The following DNTTIP1 variants were observed in gnomAD, a reference collection of about 807,000 sequenced individuals.
The protein encoded by DNTTIP1 is deoxynucleotidyltransferase terminal interacting protein 1, also known as deoxynucleotidyltransferase terminal-interacting protein 1.
In DNTTIP1, 22 loss-of-function variants were observed where a neutral mutation model predicts 52.9. The ratio of observed to expected loss-of-function variants is 0.42; its 90% confidence interval spans 0.30 to 0.59. DNTTIP1 has a LOEUF of 0.59. DNTTIP1 is among the 20% of genes least tolerant of loss of function. DNTTIP1 has a pLI of 0.22. For synonymous variants in DNTTIP1, 136 were observed against 155.1 expected, an observed-to-expected ratio of 0.88 and a Z score of 0.92; for missense variants, 286 against 435.5, an observed-to-expected ratio of 0.66 and a Z score of 3.06.
At chr20:45,793,756 T>G (rs1043356358) in intron 2 of DNTTIP1, among the ~76,000 whole-genome samples, 165 bp from the exon 3 acceptor site, 2 of 152,048 alleles carry the variant, frequency 1.3e-5, no homozygotes, top group African/African-American at 4.8e-5. Context: ...GAGAAAGAAA[T>G]AAAGTCATGC....
intron 11 of DNTTIP1, 108 bp from the exon 12 acceptor site, chr20:45,810,777 G>A (rs760887069): frequency 1.7e-5 from 17 of 1,007,670 alleles, no homozygotes; most frequent in East Asian, 7.6e-5. Flanking sequence ...CGCATCCCCC[G>A]CTTCCACCTA....
At chr20:45,796,745 A>G (rs754199479) in intron 4 of DNTTIP1, among the ~76,000 whole-genome samples, 10 of 152,068 alleles carry the variant, frequency 6.6e-5, no homozygotes, top group Admixed American at 2.0e-4. Flanking sequence ...AGTCCCCACT[A>G]CTTCACTGGA....
At chr20:45,792,185 G>A (rs1981041512) in intron 1 of DNTTIP1, 76 bp downstream of exon 1, 1 of 913,580 alleles carries the variant, frequency 1.1e-6, no homozygotes, top group Non-Finnish European at 1.4e-6. Flanking sequence ...GCCCGCGGGC[G>A]AGAGAACGCG....
intron 10 of DNTTIP1, among the ~76,000 whole-genome samples, chr20:45,806,414 A>G (rs1167641497): frequency 1.9e-4 from 29 of 151,718 alleles, no homozygotes; most frequent in Admixed American, 1.8e-3. Flanking sequence ...CAAAGAGGGT[A>G]CTCCTCTTCT....
At chr20:45,803,224 C>A in intron 7 of DNTTIP1, 109 bp from the exon 8 acceptor site, 1 of 1,081,212 alleles carries the variant, frequency 9.2e-7, no homozygotes. Context: ...GGAGGATGTC[C>A]AGGGCTAAAG....
chr20:45,810,899 C>G lies in DNTTIP1; in HGVS notation c.810C>G (p.Ile270Met). ...TCCTGCCTCAGGCCTACCTCCTCATCGAGGAGGACATCCGGGACCTTGCGG... is the reference window on the plus strand; with the variant it reads ...TCCTGCCTCAGGCCTACCTCCTCATGGAGGAGGACATCCGGGACCTTGCGG... ...ATGGKMAYLL[I>M]EEDIRDLAAS... Residue 270 changes from isoleucine to methionine, a missense_variant, in exon 12 of 13, where the codon ATC (isoleucine) becomes ATG (methionine). This residue lies in a region of DNTTIP1 where 78 missense variants were observed against 169.0 expected (regional missense o/e 0.46). Transcript: ENST00000372622. 4 of 1,614,132 alleles carry G rather than the reference C, an allele frequency of 2.5e-6. No individual in the cohort carries two copies. Among genetic ancestry groups the G allele is most frequent in the Middle Eastern group, 1.6e-4 (1 of 6,062 alleles).
At chr20:45,800,965 G>T in intron 4 of DNTTIP1, 109 bp from the exon 5 acceptor site, 1 of 925,788 alleles carries the variant, frequency 1.1e-6, no homozygotes, top group East Asian at 2.4e-5. Context: ...CTGCACTCCA[G>T]CCTGAGCAAC....
In DNTTIP1 at chr20:45,798,318, ACCGGGG is replaced by A. The variant is rs1414347076; in HGVS notation, c.373-2753_373-2748del. Among the ~76,000 whole-genome samples, 27 of 121,494 alleles carry A rather than the reference ACCGGGG, an allele frequency of 2.2e-4. No homozygotes were observed. The East Asian group carries it at 7.4e-3, about 33-fold the overall frequency. The allele number at this position is 121,494 out of a possible 152,430, so 79.7% of individuals were successfully genotyped here. A position where few individuals can be genotyped will look rare whatever the true frequency, so the allele number is the denominator to read the frequency against. ...GGACACAGGAAAGGGAACATCAGAC[ACCGGGG>A]CCTGTCGTGGGGTTGGGGGAGGGGG... On this transcript the variant is annotated intron_variant, in intron 4 of 12. Transcript: ENST00000372622.
At position 45,801,060 on chromosome 20, in the gene DNTTIP1, C is replaced by G. The variant is rs753989367; in HGVS notation, c.373-14C>G. On this transcript the variant is annotated splice_polypyrimidine_tract_variant and intron_variant, in intron 4 of 12. Coordinates refer to ENST00000372622, the MANE Select transcript of DNTTIP1 (RefSeq NM_052951.3). ...AAAATAGTGACTGGTAACACTTGGT[C>G]TTTTTCCCTTCAGGCTAAACTGCTC... 6.2e-7 allele frequency: 1 copy of G among 1,612,810 alleles called. No homozygotes were observed. The highest frequency in any genetic ancestry group is 8.5e-7 in the Non-Finnish European group (1 of 1,179,184).
intron 7 of DNTTIP1, among the ~76,000 whole-genome samples, chr20:45,802,662 A>G (rs1033347167): frequency 6.6e-5 from 10 of 152,068 alleles, no homozygotes; most frequent in African/African-American, 2.4e-4. Flanking sequence ...CTTGATCCTC[A>G]GAGTGCATAG....
chr20:45,808,361 C>A (rs1025247184), intron 10 of DNTTIP1, among the ~76,000 whole-genome samples: 4 of 151,612 alleles, frequency 2.6e-5, no homozygotes, highest in African/African-American at 9.7e-5. Flanking sequence ...AAATAAACAG[C>A]CAGGCACGGT....
At chr20:45,806,434 T>A (rs1362217825) in intron 10 of DNTTIP1, among the ~76,000 whole-genome samples, 1 of 152,160 alleles carries the variant, frequency 6.6e-6, no homozygotes. Context: ...TGAGAGCAGC[T>A]ATGTTTTGGT....
chr20:45,797,580 C>T (rs1981284455), intron 4 of DNTTIP1, among the ~76,000 whole-genome samples: 1 of 152,160 alleles, frequency 6.6e-6, no homozygotes, highest in South Asian at 2.1e-4. Flanking sequence ...GCAATCTACT[C>T]ATCTGACAAA....
Position 45,792,108 on chromosome 20 carries a change from CG to C in DNTTIP1, c.105+1del. The C allele has an allele frequency of 7.8e-7, 1 of 1,277,940 alleles. No homozygotes were observed. Among genetic ancestry groups the C allele is most frequent in the Non-Finnish European group, 9.9e-7 (1 of 1,009,296 alleles). 79.2% of individuals were successfully genotyped at this position (1,277,940 alleles called of 1,614,324 possible). Reference sequence around the variant, plus strand: ...GGCGCAGCGGGGCAGCTGGTTCTTACGGTGAGGGCGCCCCCGGTGAGGTCTG... The same window carrying C: ...GGCGCAGCGGGGCAGCTGGTTCTTACGTGAGGGCGCCCCCGGTGAGGTCTG... ...DAGAAGQLVLTNPWNIMIKHR... is the reference protein window; with the variant it reads ...DAGAAGQLVLXNPWNIMIKHR... On this transcript the variant is annotated frameshift_variant and splice_region_variant, in exon 1 of 13. Coordinates refer to ENST00000372622, the MANE Select transcript of DNTTIP1 (RefSeq NM_052951.3). LOFTEE classifies it high-confidence loss of function.
Position 45,809,107 on chromosome 20 carries a change from C to G in DNTTIP1, c.724-7C>G. On this transcript the variant is annotated splice_polypyrimidine_tract_variant and splice_region_variant and intron_variant, in intron 10 of 12. Coordinates refer to ENST00000372622, the MANE Select transcript of DNTTIP1 (RefSeq NM_052951.3). This position sits in a 1 kb window ranked among gnomAD's most constrained non-coding sequence, Gnocchi z 4.2. ...GGCTAATTTTCTTACAACTTCATTC[C>G]TTACAGTATGCAGCTGACCCCCAGG... The G allele has an allele frequency of 6.2e-7, 1 of 1,613,884 alleles. No homozygotes were observed. The highest frequency in any genetic ancestry group is 8.5e-7 in the Non-Finnish European group (1 of 1,179,764).
intron 3 of DNTTIP1, among the ~76,000 whole-genome samples, chr20:45,794,714 G>A (rs949761770): frequency 2.6e-5 from 4 of 151,206 alleles, no homozygotes; most frequent in Admixed American, 2.6e-4. Flanking sequence ...CACTTTGGGA[G>A]GCCGAGGCAG....
intron 6 of DNTTIP1, 58 bp downstream of exon 6, chr20:45,801,516 G>T: frequency 6.3e-7 from 1 of 1,584,116 alleles, no homozygotes; most frequent in Non-Finnish European, 8.7e-7. Flanking sequence ...GGCCGGGTGT[G>T]GTGGCTCACA....
intron 8 of DNTTIP1, 38 bp downstream of exon 8, chr20:45,803,416 G>C: frequency 6.2e-7 from 1 of 1,612,346 alleles, no homozygotes; most frequent in Non-Finnish European, 8.5e-7. Flanking sequence ...CACGATCCCA[G>C]GAGATAGTCC....
chr20:45,801,478 T>C lies in DNTTIP1; in HGVS notation c.498+20T>C. ...AAAAAGGTAAACCATTTCCTTGTTT[T>C]GTTTTCTGGCTGAAAAAAGGCTTGT... On this transcript the variant is annotated intron_variant, in intron 6 of 12. Coordinates refer to ENST00000372622, the MANE Select transcript of DNTTIP1 (RefSeq NM_052951.3). 1 of 1,614,008 alleles carries C rather than the reference T, an allele frequency of 6.2e-7. No homozygotes were observed. Among genetic ancestry groups the C allele is most frequent in the Non-Finnish European group, 8.5e-7 (1 of 1,179,920 alleles).
Sources: gnomAD v4.1 joint callset for allele counts (sites outside exome capture counted in the v4.1 genomes callset) on GRCh38, gnomAD v4.1.1 for gene constraint, gnomAD v4.1.1 regional missense constraint, Gnocchi (gnomAD v3.1) non-coding constraint, MANE v1.5 for transcripts, NCBI Gene and HGNC (gene_info 2026-07-23, HGNC 2026-07-21) for gene names.